MACROD2: variants seen among roughly 807,000 people sequenced by gnomAD.
MACROD2 encodes the protein mono-ADP ribosylhydrolase 2.
A neutral mutation model predicts 70.4 loss-of-function variants in MACROD2; 36 were observed. The observed-to-expected ratio is 0.51, with a 90% CI of 0.39 to 0.68. MACROD2 has a LOEUF of 0.68. MACROD2 is among the 30% of genes least tolerant of loss of function. MACROD2 has a pLI of 0.00. For synonymous variants in MACROD2, 172 were observed against 178.8 expected (o/e 0.96, Z 0.30); for missense variants, 496 against 538.4 (o/e 0.92, Z 0.78).
intron 8 of MACROD2, among the ~76,000 whole-genome samples, chr20:15,664,376 A>G (rs17624095): frequency 0.029 from 4,442 of 152,338 alleles, 117 homozygotes; most frequent in African/African-American, 0.063. Flanking sequence ...GATGTAGTTT[A>G]AGCAGCATAA....
At chr20:15,350,616 A>G (rs1482717342) in intron 6 of MACROD2, among the ~76,000 whole-genome samples, 1 of 152,252 alleles carries the variant, frequency 6.6e-6, no homozygotes, top group African/African-American at 2.4e-5. Flanking sequence ...ATTTGTATTC[A>G]TCAAAATACT....
chr20:15,569,473 C>T (rs1411518278), intron 8 of MACROD2, among the ~76,000 whole-genome samples: 2 of 152,036 alleles, frequency 1.3e-5, no homozygotes, highest in African/African-American at 2.4e-5. Flanking sequence ...CCATGTTGTA[C>T]GATAGATGTT....
chr20:14,956,452 T>C (rs1305214887), intron 5 of MACROD2, among the ~76,000 whole-genome samples: 1 of 152,134 alleles, frequency 6.6e-6, no homozygotes, highest in African/African-American at 2.4e-5. Context: ...TAGAGTGGAA[T>C]TTTTGTTTTC....
At chr20:15,472,667 C>A (rs1272759455) in intron 7 of MACROD2, among the ~76,000 whole-genome samples, 1 of 152,078 alleles carries the variant, frequency 6.6e-6, no homozygotes, top group Non-Finnish European at 1.5e-5. Flanking sequence ...TATTTCCCAC[C>A]TTTTCCCCTC....
chr20:15,558,109 G>A (rs1035178), intron 8 of MACROD2, among the ~76,000 whole-genome samples: 2 of 152,242 alleles, frequency 1.3e-5, no homozygotes, highest in East Asian at 3.9e-4. Flanking sequence ...GACACTCAGG[G>A]TTTCTCTACT....
intron 5 of MACROD2, among the ~76,000 whole-genome samples, chr20:15,087,449 A>G (rs1034347110): frequency 1.3e-5 from 2 of 152,054 alleles, no homozygotes; most frequent in Non-Finnish European, 2.9e-5. Context: ...AGACATTTCA[A>G]TTAACTGCAA....
At chr20:15,555,059 G>A (rs1362704023) in intron 8 of MACROD2, among the ~76,000 whole-genome samples, 3 of 152,162 alleles carry the variant, frequency 2.0e-5, no homozygotes, top group Non-Finnish European at 4.4e-5. Context: ...TTAGGATATA[G>A]CAAATCTCTA....
intron 5 of MACROD2, among the ~76,000 whole-genome samples, chr20:14,748,615 A>G (rs2085695952): frequency 6.6e-6 from 1 of 152,150 alleles, no homozygotes; most frequent in Non-Finnish European, 1.5e-5. Context: ...TAAATGTATC[A>G]TTGCTTAGTA....
intron 5 of MACROD2, among the ~76,000 whole-genome samples, chr20:15,091,168 C>T (rs1346682043): frequency 6.6e-6 from 1 of 152,018 alleles, no homozygotes; most frequent in African/African-American, 2.4e-5. Context: ...GTAACACATT[C>T]AACATTGACT....
intron 12 of MACROD2, among the ~76,000 whole-genome samples, chr20:15,957,452 A>C (rs1010963043): frequency 2.6e-5 from 4 of 152,134 alleles, no homozygotes; most frequent in African/African-American, 9.7e-5. Flanking sequence ...CCCACTTCAT[A>C]CGTCTCTAGG....
At chr20:15,361,002 T>G (rs553464781) in intron 6 of MACROD2, among the ~76,000 whole-genome samples, 1 of 152,090 alleles carries the variant, frequency 6.6e-6, no homozygotes, top group Middle Eastern at 3.2e-3. Flanking sequence ...TCTCTCAGTC[T>G]GTGTGTTTTC....
intron 8 of MACROD2, among the ~76,000 whole-genome samples, chr20:15,849,304 T>A (rs2147144402): frequency 6.6e-6 from 1 of 152,326 alleles, no homozygotes; most frequent in Admixed American, 6.5e-5. Flanking sequence ...GGGAGGGACA[T>A]CAGCTTGAGA....
intron 4 of MACROD2, chr20:14,566,883 T>C (rs1418744399): frequency 6.6e-6 from 1 of 152,070 alleles, no homozygotes; most frequent in Non-Finnish European, 1.5e-5. Context: ...ATTGTTGCAA[T>C]GTCTTTTTAA....
At chr20:15,265,202 G>A (rs565337981) in intron 6 of MACROD2, among the ~76,000 whole-genome samples, 44 of 152,272 alleles carry the variant, frequency 2.9e-4, no homozygotes, top group African/African-American at 9.9e-4. Flanking sequence ...GTGTTTTCCT[G>A]TTCCCAGGTT....
At chr20:14,612,370 T>C (rs1983221249) in intron 4 of MACROD2, among the ~76,000 whole-genome samples, 1 of 152,118 alleles carries the variant, frequency 6.6e-6, no homozygotes, top group Middle Eastern at 3.2e-3. Context: ...GCTTCCCAAA[T>C]TTTGGTTACT....
At chr20:14,362,508 G>T (rs1427250270) in intron 3 of MACROD2, among the ~76,000 whole-genome samples, 2 of 152,142 alleles carry the variant, frequency 1.3e-5, no homozygotes, top group African/African-American at 4.8e-5. Context: ...TACCATTCAT[G>T]CCTTAATGGA....
intron 5 of MACROD2, among the ~76,000 whole-genome samples, chr20:14,928,926 G>A (rs577695323): frequency 6.6e-6 from 1 of 152,100 alleles, no homozygotes; most frequent in African/African-American, 2.4e-5. Context: ...GCTGCAGTCA[G>A]CCATATTTGT....
In MACROD2 at chr20:14,797,545, T is replaced by C. The variant is rs145911035; in HGVS notation, c.418+112586T>C. Among the ~76,000 whole-genome samples, 11 of 152,134 alleles carry C rather than the reference T, an allele frequency of 7.2e-5. 1 individual carries two copies. Among genetic ancestry groups the C allele is most frequent in the African/African-American group, 2.7e-4 (11 of 41,480 alleles). ...CCATCTGCTAAGGATGCTCTTCCTC[T>C]CCGTTCTTTCTCACCTAGTTAATGC... On this transcript the variant is annotated intron_variant, in intron 5 of 17. Transcript: ENST00000684519.
intron 3 of MACROD2, among the ~76,000 whole-genome samples, chr20:14,233,509 G>C (rs1200269497): frequency 7.0e-6 from 1 of 143,508 alleles, no homozygotes; most frequent in Non-Finnish European, 1.5e-5. Context: ...TGGCTAACAT[G>C]GTGAAACCCC....
Sources: allele counts gnomAD v4.1 joint callset (sites outside exome capture counted in the v4.1 genomes callset), GRCh38; gene constraint gnomAD v4.1.1; transcripts MANE v1.5; gene names NCBI Gene and HGNC (gene_info 2026-07-23, HGNC 2026-07-21).